UNC5D: variants seen among roughly 807,000 people sequenced by gnomAD.
UNC5D encodes the protein netrin receptor UNC5D.
A neutral mutation model predicts 105.4 loss-of-function variants in UNC5D; 39 were observed. The ratio of observed to expected loss-of-function variants is 0.37; its 90% CI spans 0.29 to 0.48. The LOEUF (loss-of-function observed/expected upper bound fraction) is 0.48. UNC5D is among the 20% of genes least tolerant of loss of function. The pLI, the probability that UNC5D is intolerant of heterozygous loss-of-function variation, is 0.98. For synonymous variants in UNC5D, 452 were observed against 450.4 expected (o/e 1.00, Z -0.04); for missense variants, 991 against 1,202.4 (o/e 0.82, Z 2.60).
intron 9 of UNC5D, among the ~76,000 whole-genome samples, chr8:35,722,778 C>A (rs1235583069): frequency 6.6e-6 from 1 of 152,122 alleles, no homozygotes; most frequent in East Asian, 1.9e-4. Context: ...TATATTACAG[C>A]CTCCCAGGTA....
At chr8:35,265,694 C>T (rs796304728) in intron 1 of UNC5D, among the ~76,000 whole-genome samples, 1 of 151,886 alleles carries the variant, frequency 6.6e-6, no homozygotes. Flanking sequence ...CATGGTGAAA[C>T]CTCTTCTCTA....
chr8:35,262,750 A>G (rs937280230), intron 1 of UNC5D, among the ~76,000 whole-genome samples: 1 of 152,198 alleles, frequency 6.6e-6, no homozygotes, highest in East Asian at 1.9e-4. Flanking sequence ...GCTTAAAATA[A>G]TTAAAATAAT....
intron 15 of UNC5D, among the ~76,000 whole-genome samples, chr8:35,767,400 G>C (rs1183996080): frequency 6.6e-6 from 1 of 152,132 alleles, no homozygotes. Context: ...ATTATAGACT[G>C]AAGCCAGATG....
chr8:35,504,409 A>G (rs970360129), intron 1 of UNC5D, among the ~76,000 whole-genome samples: 2 of 152,190 alleles, frequency 1.3e-5, no homozygotes, highest in Admixed American at 6.5e-5. Flanking sequence ...TTAGTTTTCA[A>G]TCCTCTTTGG....
rs146430432 is a variant in UNC5D at position 35,270,778 on chromosome 8, G to A, written c.103+34891G>A. On this transcript the variant is annotated intron_variant, in intron 1 of 16. Coordinates refer to ENST00000404895, the MANE Select transcript of UNC5D (RefSeq NM_080872.4). ...TCTAGCAGATACCTGCATCATGGCC[G>A]TTTAAAACAGTGGCTCATAACATAC... is the stretch of plus-strand genomic sequence containing the variant. 2.1e-3 allele frequency among the ~76,000 whole-genome samples: 319 copies of A among 152,172 alleles called. 2 individuals carry two copies. Among genetic ancestry groups the A allele is most frequent in the African/African-American group, 6.9e-3 (285 of 41,522 alleles).
intron 4 of UNC5D, among the ~76,000 whole-genome samples, chr8:35,596,614 A>G (rs1047821569): frequency 2.6e-5 from 4 of 152,120 alleles, no homozygotes; most frequent in Non-Finnish European, 4.4e-5. Context: ...TTAGGGAGAC[A>G]TGAGACATCA....
intron 1 of UNC5D, among the ~76,000 whole-genome samples, chr8:35,428,998 A>G (rs1806442685): frequency 6.6e-6 from 1 of 152,154 alleles, no homozygotes; most frequent in Non-Finnish European, 1.5e-5. Flanking sequence ...GCTGGAGTAA[A>G]TCCATCTCTT....
At chr8:35,591,174 T>C (rs1819148405) in intron 3 of UNC5D, among the ~76,000 whole-genome samples, 1 of 152,148 alleles carries the variant, frequency 6.6e-6, no homozygotes, top group Admixed American at 6.6e-5. Flanking sequence ...GGTCCTATCA[T>C]GTCTGACACT....
In UNC5D at chr8:35,393,131, T is replaced by TTA. The variant is rs1173316142; in HGVS notation, c.104-156160_104-156159insAT. Among the ~76,000 whole-genome samples, 5 of 129,340 alleles carry TTA rather than the reference T, an allele frequency of 3.9e-5. No individual in the cohort carries two copies. The East Asian group carries it at 1.1e-3, about 28-fold the overall frequency. The allele number at this position is 129,340 out of a possible 152,430, so 84.9% of individuals were successfully genotyped here. ...ATCTAAATACCTATTCCTACTTTTT[T>TTA]TTTTTTTTTTTTTTTTTTTTTGAGA... On this transcript the variant is annotated intron_variant, in intron 1 of 16. Transcript: ENST00000404895.
chr8:35,381,821 G>A (rs186160170), intron 1 of UNC5D, among the ~76,000 whole-genome samples: 121 of 152,250 alleles, frequency 7.9e-4, no homozygotes, highest in African/African-American at 2.7e-3. Context: ...GCACACCTGC[G>A]TAGGCTTGAC....
chr8:35,479,603 C>T (rs1232131118), intron 1 of UNC5D, among the ~76,000 whole-genome samples: 1 of 152,118 alleles, frequency 6.6e-6, no homozygotes, highest in Non-Finnish European at 1.5e-5. Context: ...GAATAGTACA[C>T]AGCCGTATAA....
intron 4 of UNC5D, among the ~76,000 whole-genome samples, chr8:35,616,068 A>C (rs1821007753): frequency 6.6e-6 from 1 of 152,204 alleles, no homozygotes; most frequent in African/African-American, 2.4e-5. Flanking sequence ...ACATTAGTAC[A>C]TGTGTACTCA....
intron 1 of UNC5D, among the ~76,000 whole-genome samples, chr8:35,313,537 A>G (rs1021370039): frequency 6.6e-6 from 1 of 152,202 alleles, no homozygotes. Context: ...CAGACTCTTG[A>G]TGGTCATCCA....
chr8:35,752,061 G>T (rs1370172756), intron 13 of UNC5D, among the ~76,000 whole-genome samples: 1 of 152,268 alleles, frequency 6.6e-6, no homozygotes, highest in Non-Finnish European at 1.5e-5. Context: ...CCTATCACAA[G>T]GTAGTCATTT....
At chr8:35,600,968 A>G (rs1262982573) in intron 4 of UNC5D, among the ~76,000 whole-genome samples, 1 of 151,962 alleles carries the variant, frequency 6.6e-6, no homozygotes, top group East Asian at 1.9e-4. Flanking sequence ...TCTTGAATTA[A>G]TTTTTGTATA....
intron 1 of UNC5D, among the ~76,000 whole-genome samples, chr8:35,528,757 T>C (rs1446164986): frequency 6.7e-6 from 1 of 148,810 alleles, no homozygotes; most frequent in East Asian, 2.0e-4. Context: ...TGTGAGATGG[T>C]ATCTCATTGT....
chr8:35,547,285 CTT>C (rs11363785), intron 1 of UNC5D, among the ~76,000 whole-genome samples: 318 of 127,996 alleles, frequency 2.5e-3, no homozygotes, highest in African/African-American at 7.7e-3. Context: ...GAACATTACT[CTT>C]TTTTTTTTTT....
At chr8:35,246,802 G>A (rs1368157356) in intron 1 of UNC5D, among the ~76,000 whole-genome samples, 1 of 151,998 alleles carries the variant, frequency 6.6e-6, no homozygotes, top group Non-Finnish European at 1.5e-5. Context: ...AATTATCTTC[G>A]CTTGAGCTGT....
chr8:35,520,791 A>G (rs1286595225), intron 1 of UNC5D, among the ~76,000 whole-genome samples: 2 of 152,156 alleles, frequency 1.3e-5, no homozygotes, highest in Non-Finnish European at 2.9e-5. Context: ...CATGAGGTTC[A>G]TTATAGAACC....
Sources: gnomAD v4.1 joint callset for allele counts (sites outside exome capture counted in the v4.1 genomes callset) on GRCh38, gnomAD v4.1.1 for gene constraint, MANE v1.5 for transcripts, NCBI Gene and HGNC (gene_info 2026-07-23, HGNC 2026-07-21) for gene names.